GABRB3: variants seen among roughly 807,000 people sequenced by gnomAD.
GABRB3 encodes gamma-aminobutyric acid type A receptor subunit beta3, also known as gamma-aminobutyric acid receptor subunit beta-3.
In GABRB3, 14 loss-of-function variants were observed where a neutral mutation model predicts 52.1. That is an observed-to-expected ratio of 0.27 (90% confidence interval 0.18 to 0.42). GABRB3 has a LOEUF of 0.42. Among genes scored for constraint, GABRB3 ranks in the 10% least tolerant of loss-of-function variants. GABRB3 has a pLI of 1.00. For missense variants in GABRB3, 307 were observed against 609.1 expected, an observed-to-expected ratio of 0.50 and a Z score of 5.22; for synonymous variants, 260 against 232.3, an observed-to-expected ratio of 1.12 and a Z score of -1.08.
At chr15:26,762,893 G>T (rs1052189827) in intron 3 of GABRB3, among the ~76,000 whole-genome samples, 1 of 152,144 alleles carries the variant, frequency 6.6e-6, no homozygotes, top group African/African-American at 2.4e-5. Flanking sequence ...TTGGTGCCCA[G>T]GGCCAAATCA....
At chr15:26,645,243 C>T (rs755531229) in intron 3 of GABRB3, among the ~76,000 whole-genome samples, 1 of 152,228 alleles carries the variant, frequency 6.6e-6, no homozygotes, top group Middle Eastern at 3.4e-3. Flanking sequence ...CATGTCTCCC[C>T]CTCCAAGAAA....
chr15:26,619,460 T>C (rs941196804), intron 4 of GABRB3, among the ~76,000 whole-genome samples: 8 of 138,558 alleles, frequency 5.8e-5, no homozygotes, highest in African/African-American at 1.4e-4. Context: ...CAGGTGGAAA[T>C]TGAACAATGA....
intron 3 of GABRB3, among the ~76,000 whole-genome samples, chr15:26,731,048 C>T (rs764219502): frequency 4.8e-4 from 67 of 139,292 alleles, no homozygotes; most frequent in South Asian, 2.3e-4. Flanking sequence ...ATTAATGATG[C>T]AGGCTCTCTC....
chr15:26,590,383 C>G (rs1361453750), intron 4 of GABRB3: 1 of 152,160 alleles, frequency 6.6e-6, no homozygotes, highest in Non-Finnish European at 1.5e-5. Flanking sequence ...AGCACCACAG[C>G]CAAGGCATTG....
intron 3 of GABRB3, chr15:26,629,232 G>A (rs1323208751): frequency 5.0e-6 from 7 of 1,396,672 alleles, no homozygotes; most frequent in African/African-American, 2.9e-5. Flanking sequence ...CTGGAAAGGA[G>A]GGCAGCGCGG....
In GABRB3 at chr15:26,586,397, A is replaced by ACACACACACACACAC. The variant is rs149254517; in HGVS notation, c.462-2984_462-2983insGTGTGTGTGTGTGTG. Among the ~76,000 whole-genome samples the ACACACACACACACAC allele has an allele frequency of 5.8e-5, 8 of 138,080 alleles. No homozygotes were observed. The South Asian group carries it at 7.5e-4, about 13-fold the overall frequency. 90.6% of individuals were successfully genotyped at this position (138,080 alleles called of 152,430 possible). ...CTTATTCACTTTTCAAACCACCCCT[A>ACACACACACACACAC]ACACACACACACACACACACACACA... On this transcript the variant is annotated intron_variant, in intron 4 of 8. Coordinates refer to ENST00000311550, the MANE Select transcript of GABRB3 (RefSeq NM_000814.6).
At chr15:26,704,432 C>A (rs1197202443) in intron 3 of GABRB3, among the ~76,000 whole-genome samples, 1 of 152,184 alleles carries the variant, frequency 6.6e-6, no homozygotes, top group Non-Finnish European at 1.5e-5. Context: ...CCCCTGGCTT[C>A]CTTTTATCCG....
intron 7 of GABRB3, among the ~76,000 whole-genome samples, chr15:26,563,187 C>T (rs887096805): frequency 6.6e-6 from 1 of 152,138 alleles, no homozygotes; most frequent in Non-Finnish European, 1.5e-5. Context: ...ACACAGGCCT[C>T]GGCAGATGTC....
chr15:26,668,457 C>T (rs961496514), intron 3 of GABRB3, among the ~76,000 whole-genome samples: 2 of 152,196 alleles, frequency 1.3e-5, no homozygotes, highest in African/African-American at 4.8e-5. Flanking sequence ...CTGACTCAGT[C>T]ACACCAAGGC....
chr15:26,590,204 AC>A (rs1891143405), intron 4 of GABRB3: 1 of 49,452 alleles, frequency 2.0e-5, no homozygotes, highest in African/African-American at 3.6e-5. Flanking sequence ...AGCGAAGACC[AC>A]ATGAAATGCC....
At chr15:26,554,021 T>TTTTATATATATATATATA (rs1555400756) in intron 8 of GABRB3, among the ~76,000 whole-genome samples, 31 of 23,682 alleles carry the variant, frequency 1.3e-3, no homozygotes, top group African/African-American at 5.1e-3. Context: ...ACCTGACTAT[T>TTTTATATATATATATATA]TATATATATA....
chr15:26,741,173 C>T (rs901093199), intron 3 of GABRB3, among the ~76,000 whole-genome samples: 2 of 152,008 alleles, frequency 1.3e-5, no homozygotes, highest in Non-Finnish European at 2.9e-5. Flanking sequence ...TCTTTCATCC[C>T]TTGAAGTACC....
intron 3 of GABRB3, among the ~76,000 whole-genome samples, chr15:26,654,868 C>T (rs1431858737): frequency 1.3e-5 from 2 of 151,922 alleles, no homozygotes; most frequent in Non-Finnish European, 1.5e-5. Flanking sequence ...GTCTCACTTC[C>T]GTTGCCCATG....
At chr15:26,680,551 T>C (rs1017206243) in intron 3 of GABRB3, among the ~76,000 whole-genome samples, 1 of 138,784 alleles carries the variant, frequency 7.2e-6, no homozygotes, top group Non-Finnish European at 1.6e-5. Flanking sequence ...CTGTTCGATA[T>C]GTCTTCTGGA....
intron 4 of GABRB3, among the ~76,000 whole-genome samples, chr15:26,607,786 A>T (rs1351310520): frequency 6.6e-6 from 1 of 152,094 alleles, no homozygotes; most frequent in Non-Finnish European, 1.5e-5. Context: ...GAAATGAAAG[A>T]CCTGTACACT....
At chr15:26,622,599 T>C (rs1458231805) in intron 3 of GABRB3, among the ~76,000 whole-genome samples, 2 of 152,226 alleles carry the variant, frequency 1.3e-5, no homozygotes, top group Non-Finnish European at 2.9e-5. Context: ...TCCTCACTTG[T>C]GGACAGCGAG....
chr15:26,675,552 T>C (rs1001029049), intron 3 of GABRB3, among the ~76,000 whole-genome samples: 2 of 152,100 alleles, frequency 1.3e-5, no homozygotes, highest in Admixed American at 6.5e-5. Flanking sequence ...TCAGAACCAT[T>C]GAGATAGGTA....
rs191177244 is a variant in GABRB3 at position 26,737,027 on chromosome 15, C to A, written c.240+35375G>T. 1.9e-3 allele frequency among the ~76,000 whole-genome samples: 290 copies of A among 152,364 alleles called. 1 individual carries two copies. The highest frequency in any genetic ancestry group is 6.7e-3 in the African/African-American group (277 of 41,594). ...GATTTTCCCTCTTAGCCTCCTGTGGCACCACCAGGCCTCCAGGGACACCAC... is the reference window on the plus strand; with the variant it reads ...GATTTTCCCTCTTAGCCTCCTGTGGAACCACCAGGCCTCCAGGGACACCAC... On this transcript the variant is annotated intron_variant, in intron 3 of 8. Coordinates refer to ENST00000311550, the MANE Select transcript of GABRB3 (RefSeq NM_000814.6).
At chr15:26,615,618 A>C (rs1376646435) in intron 4 of GABRB3, 6 of 586,010 alleles carry the variant, frequency 1.0e-5, no homozygotes, top group African/African-American at 2.0e-5. Flanking sequence ...TCCCAGAATA[A>C]GGCTGAGTTG....
Sources: gnomAD v4.1 joint callset for allele counts (sites outside exome capture counted in the v4.1 genomes callset) on GRCh38, gnomAD v4.1.1 for gene constraint, MANE v1.5 for transcripts, NCBI Gene and HGNC (gene_info 2026-07-23, HGNC 2026-07-21) for gene names.